Variants in MAGEE2 observed in about 807,000 individuals in gnomAD.
The protein encoded by MAGEE2 is melanoma-associated antigen E2.
For synonymous variants in MAGEE2, 189 were observed against 155.4 expected, an observed-to-expected ratio of 1.22 and a Z score of -1.61; for missense variants, 508 against 391.1, an observed-to-expected ratio of 1.30 and a Z score of -2.52.
rs765806534 is a variant in MAGEE2, at chrX:75,784,660, C to T, written c.392G>A (p.Arg131Gln). 1 of 1,209,401 alleles carries T rather than the reference C, an allele frequency of 8.3e-7. No homozygotes were observed. Among genetic ancestry groups the T allele is most frequent in the Non-Finnish European group, 1.1e-6 (1 of 894,977 alleles). ...GACCTGGTCCAGGTGAGCTGAGGCTCGTCTGAGGATCTCAGGGAACTGATC... is the reference window on the plus strand; with the variant it reads ...GACCTGGTCCAGGTGAGCTGAGGCTTGTCTGAGGATCTCAGGGAACTGATC... ...YSDQFPEILR[R>Q]ASAHLDQVFG... The change falls in exon 1 of 1, where the codon CGA (arginine) becomes CAA (glutamine). Residue 131 changes from arginine (R) to glutamine (Q), a missense_variant. Arg to Gln is a conservative substitution (Grantham distance 43). Coordinates refer to ENST00000373359, the MANE Select transcript of MAGEE2 (RefSeq NM_138703.5).
At position 75,783,740 on chromosome X, in the gene MAGEE2, G is replaced by A; in HGVS notation, c.1312C>T (p.His438Tyr). The A allele has an allele frequency of 8.3e-7, 1 of 1,211,963 alleles. No individual in the cohort carries two copies. The highest frequency in any genetic ancestry group is 1.1e-6 in the Non-Finnish European group (1 of 895,574). Residue 438 changes from histidine to tyrosine, a missense_variant, in exon 1 of 1, where the codon CAT (histidine) becomes TAT (tyrosine). Transcript: ENST00000373359. ...CTCATAAGCTTACGGGTGATGGAAT[G>A]CTTTCTCCCTACATCCACACTAAAT... Reference protein sequence around the residue: ...RRFSVDVGRKHSITRKLMRQR... With the variant: ...RRFSVDVGRKYSITRKLMRQR...
In MAGEE2 at chrX:75,784,282, G is replaced by T. The variant is rs2087870729; in HGVS notation, c.770C>A (p.Ala257Asp). Reference sequence around the variant, plus strand: ...TTCCATCTTTGTGATTTCCCTGTGGGCTCTAGAGCCCCACAAGAACTCAAA... The same window carrying T: ...TTCCATCTTTGTGATTTCCCTGTGGTCTCTAGAGCCCCACAAGAACTCAAA... ...LEFEFLWGSRAHREITKMEAL... is the reference protein window; with the variant it reads ...LEFEFLWGSRDHREITKMEAL... Residue 257 changes from alanine (A) to aspartate (D), a missense_variant, in exon 1 of 1, where the codon GCC (alanine) becomes GAC (aspartate). Physicochemically the swap from Ala to Asp is moderately radical, Grantham distance 126. Coordinates refer to ENST00000373359, the MANE Select transcript of MAGEE2 (RefSeq NM_138703.5). 8.3e-7 allele frequency: 1 copy of T among 1,209,644 alleles called. No individual in the cohort carries two copies. The highest frequency in any genetic ancestry group is 1.1e-6 in the Non-Finnish European group (1 of 895,177).
In MAGEE2 at chrX:75,785,027, G is replaced by A. The variant is rs2087881085; in HGVS notation, c.25C>T (p.Arg9Cys). The A allele has an allele frequency of 3.5e-6, 4 of 1,128,470 alleles. No individual in the cohort carries two copies. In the South Asian group the frequency reaches 9.5e-5, roughly 27 times the overall value. 93.0% of individuals were successfully genotyped at this position (1,128,470 alleles called of 1,213,427 possible). A position where few individuals can be genotyped will look rare whatever the true frequency, so the allele number is the denominator to read the frequency against. MSLVSQNA[R>C]HCSAEITADY... The stretch of plus-strand genomic sequence containing the variant: ...GCAGTGATCTCTGCGCTACAGTGGC[G>A]TGCATTCTGGCTTACCAGAGACATG... Residue 9 changes from arginine (R) to cysteine (C), a missense_variant, in exon 1 of 1, where the codon CGC becomes TGC. Arg to Cys is a radical substitution (Grantham distance 180). Coordinates refer to ENST00000373359, the MANE Select transcript of MAGEE2 (RefSeq NM_138703.5).
Position 75,784,190 on chromosome X carries a change from C to T in MAGEE2, c.862G>A (p.Ala288Thr). 1 of 1,211,695 alleles carries T rather than the reference C, an allele frequency of 8.3e-7. No individual in the cohort carries two copies. Residue 288 changes from alanine (A) to threonine (T), a missense_variant, in exon 1 of 1, where the codon GCC becomes ACC. Physicochemically the swap from Ala to Thr is moderately conservative, Grantham distance 58. Transcript: ENST00000373359. Reference sequence around the variant, plus strand: ...TCTTTGGTTTTGTCACCTTCCAGGGCCTTATTATATTCTTCTGGCCAGCTC... The same window carrying T: ...TCTTTGGTTTTGTCACCTTCCAGGGTCTTATTATATTCTTCTGGCCAGCTC... The part of the protein sequence containing the change: ...PWSWPEEYNK[A>T]LEGDKTKERS...
rs750196049 is a variant in MAGEE2 at position 75,784,970 on chromosome X, C to G, written c.82G>C (p.Ala28Pro). Residue 28 changes from alanine to proline, a missense_variant, in exon 1 of 1, where the codon GCT (alanine) becomes CCT (proline). Coordinates refer to ENST00000373359, the MANE Select transcript of MAGEE2 (RefSeq NM_138703.5). ...DYGDGRGEIQ[A>P]TNASGSPTSM... ...GTGGGGGACCCGGAGGCGTTAGTAG[C>G]TTGTATTTCACCTCTGCCGTCGCCG... 8.7e-7 allele frequency: 1 copy of G among 1,146,406 alleles called. No individual in the cohort carries two copies. Among genetic ancestry groups the G allele is most frequent in the African/African-American group, 1.8e-5 (1 of 54,653 alleles). 94.5% of individuals were successfully genotyped at this position (1,146,406 alleles called of 1,213,427 possible). A position where few individuals can be genotyped will look rare whatever the true frequency, so the allele number is the denominator to read the frequency against.
Position 75,785,219 on chromosome X carries a change from G to C in MAGEE2, c.-168C>G. 3 of 473,649 alleles carry C rather than the reference G, an allele frequency of 6.3e-6. No homozygotes were observed. Among genetic ancestry groups the C allele is most frequent in the Non-Finnish European group, 3.2e-6 (1 of 314,587 alleles). 39.0% of individuals were successfully genotyped at this position (473,649 alleles called of 1,213,427 possible). ...GATCTTTCTACACAAGTGCTGGCCAGCAACGACTGCAAGCCTCAGAGCGTT... is the reference window on the plus strand; with the variant it reads ...GATCTTTCTACACAAGTGCTGGCCACCAACGACTGCAAGCCTCAGAGCGTT... On this transcript the variant is annotated 5_prime_UTR_variant, in exon 1 of 1. Transcript: ENST00000373359.
At position 75,784,094 on chromosome X, in the gene MAGEE2, G is replaced by A; in HGVS notation, c.958C>T (p.Gln320Ter). Residue 320 changes from glutamine to a stop codon, truncating the protein, a stop_gained, in exon 1 of 1, where the codon CAG becomes TAG. Transcript: ENST00000373359. LOFTEE classifies it low-confidence loss of function (END_TRUNC). ...TCCTCAGTGACACTAATAGCCAACT[G>A]GACCAAATCATTTGCCTTATCATTC... ...TMNDKANDLV[Q>*]LAISVTEEML... The A allele has an allele frequency of 8.3e-7, 1 of 1,211,099 alleles. No individual in the cohort carries two copies. Among genetic ancestry groups the A allele is most frequent in the Non-Finnish European group, 1.1e-6 (1 of 895,594 alleles).
Position 75,784,425 on chromosome X carries a change from C to G in MAGEE2, c.627G>C (p.Trp209Cys). The change falls in exon 1 of 1, where the codon TGG becomes TGC. Residue 209 changes from tryptophan (W) to cysteine (C), a missense_variant. Coordinates refer to ENST00000373359, the MANE Select transcript of MAGEE2 (RefSeq NM_138703.5). The stretch of plus-strand genomic sequence containing the variant: ...GGTTGTTGATCCTCTGAGGCTTATC[C>G]CACATATCAACTTTTAGCAGCAAGT... Reference protein sequence around the residue: ...IWDLLLKVDMWDKPQRINNLF... With the variant: ...IWDLLLKVDMCDKPQRINNLF... 1 of 1,211,949 alleles carries G rather than the reference C, an allele frequency of 8.3e-7. No individual in the cohort carries two copies.
chrX:75,784,299 G>A lies in MAGEE2; in HGVS notation c.753C>T (p.Phe251=). The change falls in exon 1 of 1, where the codon TTC becomes TTT. Residue 251 remains phenylalanine (F), a synonymous_variant. Coordinates refer to ENST00000373359, the MANE Select transcript of MAGEE2 (RefSeq NM_138703.5). ...VYGTNPLEFE[F]LWGSRAHREI... is the part of the protein sequence containing the mutation. ...CCCTGTGGGCTCTAGAGCCCCACAA[G>A]AACTCAAACTCAAGGGGATTAGTGC... 1 of 1,211,726 alleles carries A rather than the reference G, an allele frequency of 8.3e-7. No individual in the cohort carries two copies. The highest frequency in any genetic ancestry group is 1.1e-6 in the Non-Finnish European group (1 of 895,527).
Position 75,784,984 on chromosome X carries a change from C to G in MAGEE2, c.68G>C (p.Arg23Thr). ...GGCGTTAGTAGCTTGTATTTCACCT[C>G]TGCCGTCGCCGTAATCTGCAGTGAT... ...AEITADYGDGRGEIQATNASG... is the reference protein window; with the variant it reads ...AEITADYGDGTGEIQATNASG... Residue 23 changes from arginine (R) to threonine (T), a missense_variant, in exon 1 of 1, where the codon AGA becomes ACA. Physicochemically the swap from Arg to Thr is moderately conservative, Grantham distance 71. Transcript: ENST00000373359. 1 of 1,144,132 alleles carries G rather than the reference C, an allele frequency of 8.7e-7. No homozygotes were observed. The highest frequency in any genetic ancestry group is 1.8e-5 in the African/African-American group (1 of 55,146). 94.3% of individuals were successfully genotyped at this position (1,144,132 alleles called of 1,213,427 possible).
At position 75,784,116 on chromosome X, in the gene MAGEE2, A is replaced by G. The variant is rs777359656; in HGVS notation, c.936T>C (p.Asn312=). The G allele has an allele frequency of 2.5e-6, 3 of 1,210,041 alleles. No individual in the cohort carries two copies. In the African/African-American group the frequency reaches 5.2e-5, roughly 21 times the overall value. The part of the protein sequence containing the change: ...GLEFWSEDTM[N]DKANDLVQLA... ...ACTGGACCAAATCATTTGCCTTATC[A>G]TTCATAGTGTCCTCCGACCAGAACT... The change falls in exon 1 of 1, where the codon AAT becomes AAC. Residue 312 remains asparagine (N), a synonymous_variant. Transcript: ENST00000373359.
chrX:75,784,085 T>C lies in MAGEE2; in HGVS notation c.967A>G (p.Ile323Val), dbSNP rs757419442. 2.5e-6 allele frequency: 3 copies of C among 1,211,008 alleles called. No homozygotes were observed. Among genetic ancestry groups the C allele is most frequent in the East Asian group, 3.0e-5 (1 of 33,857 alleles). ...GGCAGCATCTCCTCAGTGACACTAA[T>C]AGCCAACTGGACCAAATCATTTGCC... The part of the protein sequence containing the change: ...DKANDLVQLA[I>V]SVTEEMLPIH... The change falls in exon 1 of 1, where the codon ATT becomes GTT. Residue 323 changes from isoleucine (I) to valine (V), a missense_variant. Coordinates refer to ENST00000373359, the MANE Select transcript of MAGEE2 (RefSeq NM_138703.5).
rs779696225 is a variant in MAGEE2, at chrX:75,783,667, T to C, written c.1385A>G (p.Glu462Gly). The C allele has an allele frequency of 4.5e-5, 55 of 1,209,921 alleles. No homozygotes were observed. The South Asian group carries it at 7.4e-4, about 16-fold the overall frequency. ...CRPLSYSNPV[E>G]YELLWGPRAH... ...TCGAGGACCCCATAGAAGCTCATAT[T>C]CAACTGGATTAGAGTAGGACAGTGG... Residue 462 changes from glutamate (E) to glycine (G), a missense_variant, in exon 1 of 1, where the codon GAA becomes GGA. Physicochemically the swap from Glu to Gly is moderately conservative, Grantham distance 98. Transcript: ENST00000373359.
At position 75,785,038 on chromosome X, in the gene MAGEE2, C is replaced by T. The variant is rs2087881167; in HGVS notation, c.14G>A (p.Ser5Asn). 2 of 1,123,651 alleles carry T rather than the reference C, an allele frequency of 1.8e-6. No individual in the cohort carries two copies. The highest frequency in any genetic ancestry group is 1.2e-6 in the Non-Finnish European group (1 of 853,566). The allele number at this position is 1,123,651 out of a possible 1,213,427, so 92.6% of individuals were successfully genotyped here. ...TGCGCTACAGTGGCGTGCATTCTGG[C>T]TTACCAGAGACATGGTTCCAGGAGA... MSLV[S>N]QNARHCSAEI... Residue 5 changes from serine (S) to asparagine (N), a missense_variant, in exon 1 of 1, where the codon AGC becomes AAC. Coordinates refer to ENST00000373359, the MANE Select transcript of MAGEE2 (RefSeq NM_138703.5).
At position 75,784,873 on chromosome X, in the gene MAGEE2, T is replaced by C. The variant is rs146147161; in HGVS notation, c.179A>G (p.Gln60Arg). The change falls in exon 1 of 1, where the codon CAG (glutamine) becomes CGG (arginine). Residue 60 changes from glutamine to arginine, a missense_variant. Coordinates refer to ENST00000373359, the MANE Select transcript of MAGEE2 (RefSeq NM_138703.5). The part of the protein sequence containing the change: ...PINSQCVNTS[Q>R]AVQDPNDLEV... ...CAGGTCATTCGGGTCCTGAACGGCC[T>C]GGGAAGTGTTGACACACTGAGAGTT... 5.8e-6 allele frequency: 7 copies of C among 1,200,017 alleles called. No individual in the cohort carries two copies. The African/African-American group carries it at 7.0e-5, about 12-fold the overall frequency.
In MAGEE2 at chrX:75,784,622, G is replaced by T. The variant is rs12392546; in HGVS notation, c.430C>A (p.Leu144Met). The change falls in exon 1 of 1, where the codon CTG becomes ATG. Residue 144 changes from leucine to methionine, a missense_variant. Transcript: ENST00000373359. ...TCAGCCTGAGGATCAATAACTCTCAGGTTCAACCCAAAGACCTGGTCCAGG... is the reference window on the plus strand; with the variant it reads ...TCAGCCTGAGGATCAATAACTCTCATGTTCAACCCAAAGACCTGGTCCAGG... ...AHLDQVFGLN[L>M]RVIDPQADTY... 8.3e-7 allele frequency: 1 copy of T among 1,210,579 alleles called. No homozygotes were observed. The highest frequency in any genetic ancestry group is 1.7e-5 in the African/African-American group (1 of 57,768).
At position 75,785,254 on chromosome X, in the gene MAGEE2, C is replaced by T; in HGVS notation, c.-203G>A. 1 of 368,793 alleles carries T rather than the reference C, an allele frequency of 2.7e-6. No homozygotes were observed. The highest frequency in any genetic ancestry group is 4.6e-6 in the Non-Finnish European group (1 of 219,471). 30.4% of individuals were successfully genotyped at this position (368,793 alleles called of 1,213,427 possible). Reference sequence around the variant, plus strand: ...CAAGCCTCAGAGCGTTATTTTGCCGCAGCCTACGCAGGCGCAGTCAGTCTT... The same window carrying T: ...CAAGCCTCAGAGCGTTATTTTGCCGTAGCCTACGCAGGCGCAGTCAGTCTT... On this transcript the variant is annotated 5_prime_UTR_variant, in exon 1 of 1. Coordinates refer to ENST00000373359, the MANE Select transcript of MAGEE2 (RefSeq NM_138703.5).
At position 75,783,195 on chromosome X, in the gene MAGEE2, T is replaced by C. The variant is rs2087859085; in HGVS notation, c.*285A>G. 3.2e-6 allele frequency: 1 copy of C among 308,599 alleles called. No homozygotes were observed. The highest frequency in any genetic ancestry group is 4.9e-5 in the East Asian group (1 of 20,292). The allele number at this position is 308,599 out of a possible 1,213,427, so 25.4% of individuals were successfully genotyped here. On this transcript the variant is annotated 3_prime_UTR_variant, in exon 1 of 1. Transcript: ENST00000373359. ...ACCATTTTACTGATTATTTCAAAGATGTAAATATTATCAATACATTTTACA... is the reference window on the plus strand; with the variant it reads ...ACCATTTTACTGATTATTTCAAAGACGTAAATATTATCAATACATTTTACA...
Position 75,785,192 on chromosome X carries a change from G to C in MAGEE2, c.-141C>G, listed in dbSNP as rs2087882490. The C allele has an allele frequency of 1.5e-6, 1 of 672,577 alleles. No individual in the cohort carries two copies. The highest frequency in any genetic ancestry group is 7.2e-5 in the South Asian group (1 of 13,928). 55.4% of individuals were successfully genotyped at this position (672,577 alleles called of 1,213,427 possible). A position where few individuals can be genotyped will look rare whatever the true frequency, so the allele number is the denominator to read the frequency against. On this transcript the variant is annotated 5_prime_UTR_variant, in exon 1 of 1. Coordinates refer to ENST00000373359, the MANE Select transcript of MAGEE2 (RefSeq NM_138703.5). ...TCAAAAGTGAAATCTGGTGTGAAGA[G>C]CGATCTTTCTACACAAGTGCTGGCC...
Sources: allele counts gnomAD v4.1 joint callset, GRCh38; gene constraint gnomAD v4.1.1; transcripts MANE v1.5; gene names NCBI Gene and HGNC (gene_info 2026-07-23, HGNC 2026-07-21).